COL21A1: variants seen among roughly 807,000 people sequenced by gnomAD.
COL21A1 encodes the protein collagen type XXI alpha 1 chain.
COL21A1 carries 149 observed loss-of-function variants against 137.9 expected under a neutral mutation model. That is an observed-to-expected ratio of 1.08 (90% confidence interval 0.95 to 1.24). The LOEUF is 1.24. Ranked by LOEUF, COL21A1 falls within the 50% of genes most tolerant of loss-of-function variation. COL21A1 has a pLI of 0.00. For synonymous variants in COL21A1, 456 were observed against 391.5 expected (o/e 1.16, Z -1.95); for missense variants, 1,167 against 1,158.4 (o/e 1.01, Z -0.11).
At chr6:56,106,266 C>A (rs1301879974) in intron 16 of COL21A1, among the ~76,000 whole-genome samples, 2 of 152,310 alleles carry the variant, frequency 1.3e-5, no homozygotes, top group African/African-American at 4.8e-5. Flanking sequence ...GCATTTGCAC[C>A]CATCCATTCC....
chr6:56,145,005 T>C (rs1774725426), intron 10 of COL21A1, among the ~76,000 whole-genome samples: 1 of 152,186 alleles, frequency 6.6e-6, no homozygotes, highest in Non-Finnish European at 1.5e-5. Context: ...TCAATAAATG[T>C]GCGTTTCTTT....
Position 56,107,840 on chromosome 6 carries a change from G to A in COL21A1, c.1759-6315C>T, listed in dbSNP as rs1453673253. ...GGTAAAGGTGCTGGTGACAAACACT[G>A]AGTATATTTAATTGCAGATCTGAAA... On this transcript the variant is annotated intron_variant, in intron 16 of 29. Coordinates refer to ENST00000244728, the MANE Select transcript of COL21A1 (RefSeq NM_030820.4). Among the ~76,000 whole-genome samples, 2 of 152,064 alleles carry A rather than the reference G, an allele frequency of 1.3e-5. 1 individual carries two copies. Among genetic ancestry groups the A allele is most frequent in the African/African-American group, 4.8e-5 (2 of 41,420 alleles).
intron 1 of COL21A1, among the ~76,000 whole-genome samples, chr6:56,209,301 C>A (rs546196390): frequency 1.3e-5 from 2 of 152,188 alleles, no homozygotes; most frequent in South Asian, 4.1e-4. Context: ...AACTAAAGAG[C>A]TTCTGCACAG....
At chr6:56,305,924 G>C (rs760311921) in intron 1 of COL21A1, among the ~76,000 whole-genome samples, 1 of 151,430 alleles carries the variant, frequency 6.6e-6, no homozygotes, top group Non-Finnish European at 1.5e-5. Context: ...TTTTAGTGCA[G>C]GCCTGGTGGT....
At chr6:56,210,415 G>C in intron 1 of COL21A1, among the ~76,000 whole-genome samples, 2 of 151,996 alleles carry the variant, frequency 1.3e-5, no homozygotes, top group Non-Finnish European at 2.9e-5. Flanking sequence ...ATATTTCAAG[G>C]TAATAAAACA....
chr6:56,391,380 A>C (rs1233195490), intron 1 of COL21A1, among the ~76,000 whole-genome samples: 1 of 152,138 alleles, frequency 6.6e-6, no homozygotes, highest in Non-Finnish European at 1.5e-5. Context: ...AATGCATCAT[A>C]AAGTACTAGA....
At chr6:56,187,971 AGTAAAAG>A (rs1778407034) in intron 1 of COL21A1, among the ~76,000 whole-genome samples, 1 of 152,238 alleles carries the variant, frequency 6.6e-6, no homozygotes, top group African/African-American at 2.4e-5. Flanking sequence ...TTTTTAAATG[AGTAAAAG>A]GTCTTGAACA....
chr6:56,145,289 T>C (rs1774747993), intron 10 of COL21A1, among the ~76,000 whole-genome samples: 1 of 152,214 alleles, frequency 6.6e-6, no homozygotes, highest in Admixed American at 6.5e-5. Flanking sequence ...AATGTTGTGA[T>C]ATGTATATTT....
chr6:56,300,790 A>C (rs1764260911), intron 1 of COL21A1, among the ~76,000 whole-genome samples: 1 of 152,142 alleles, frequency 6.6e-6, no homozygotes, highest in South Asian at 2.1e-4. Context: ...CTGCTCTAAA[A>C]TCTATTTTAT....
chr6:56,069,680 C>A (rs1034759401), intron 21 of COL21A1, among the ~76,000 whole-genome samples: 9 of 150,114 alleles, frequency 6.0e-5, no homozygotes, highest in Admixed American at 4.0e-4. Flanking sequence ...ATCTTTTAAT[C>A]TCTAAATATA....
At chr6:56,281,427 G>A (rs1222365120) in intron 1 of COL21A1, among the ~76,000 whole-genome samples, 2 of 152,106 alleles carry the variant, frequency 1.3e-5, no homozygotes, top group Admixed American at 6.5e-5. Context: ...AAAGCAAAAA[G>A]GTAACAGTGG....
At chr6:56,294,242 T>C (rs1206703989) in intron 1 of COL21A1, among the ~76,000 whole-genome samples, 2 of 152,116 alleles carry the variant, frequency 1.3e-5, no homozygotes, top group African/African-American at 4.8e-5. Flanking sequence ...TTTATTGCAT[T>C]GTGTGAGGGC....
intron 1 of COL21A1, among the ~76,000 whole-genome samples, chr6:56,192,236 C>T (rs565465605): frequency 6.6e-6 from 1 of 152,246 alleles, no homozygotes; most frequent in East Asian, 1.9e-4. Flanking sequence ...AGACCTTAAA[C>T]CATAAAAATC....
chr6:56,060,498 A>C (rs1765697489), intron 27 of COL21A1: 1 of 479,016 alleles, frequency 2.1e-6, no homozygotes, highest in African/African-American at 2.0e-5. Flanking sequence ...AATTATCAAA[A>C]AATATGCTAC....
At chr6:56,181,788 A>G (rs1307274998) in intron 2 of COL21A1, among the ~76,000 whole-genome samples, 1 of 152,202 alleles carries the variant, frequency 6.6e-6, no homozygotes, top group South Asian at 2.1e-4. Flanking sequence ...AAGCTGTATG[A>G]TGCTAGGTAA....
chr6:56,195,616 T>C (rs1328090575), intron 1 of COL21A1, among the ~76,000 whole-genome samples: 4 of 152,144 alleles, frequency 2.6e-5, no homozygotes, highest in Admixed American at 6.5e-5. Context: ...ATAAAAATTA[T>C]ATGCTAACAA....
intron 12 of COL21A1, among the ~76,000 whole-genome samples, chr6:56,135,072 T>C (rs978832546): frequency 2.6e-5 from 4 of 151,908 alleles, no homozygotes; most frequent in Middle Eastern, 3.2e-3. Flanking sequence ...GTAATTATAA[T>C]CAACATGCTA....
chr6:56,249,383 C>G (rs867588914), upstream of COL21A1, among the ~76,000 whole-genome samples: 1 of 152,082 alleles, frequency 6.6e-6, no homozygotes, highest in South Asian at 2.1e-4. Flanking sequence ...CCAAGAAAAT[C>G]AAAAACATAT....
intron 9 of COL21A1, among the ~76,000 whole-genome samples, chr6:56,159,998 G>A (rs1435649819): frequency 6.6e-6 from 1 of 152,074 alleles, no homozygotes; most frequent in East Asian, 1.9e-4. Flanking sequence ...TTATGACACT[G>A]GTCAACAGCC....
Sources: allele counts gnomAD v4.1 joint callset (sites outside exome capture counted in the v4.1 genomes callset), GRCh38; gene constraint gnomAD v4.1.1; transcripts MANE v1.5; gene names NCBI Gene and HGNC (gene_info 2026-07-23, HGNC 2026-07-21).